The following ADGRB1 variants were observed in gnomAD, a reference collection of about 807,000 sequenced individuals.
The protein encoded by ADGRB1 is adhesion G protein-coupled receptor B1, also known as brain-specific angiogenesis inhibitor 1.
A neutral mutation model predicts 175.7 loss-of-function variants in ADGRB1; 36 were observed. That is an observed-to-expected ratio of 0.20 (90% CI 0.16 to 0.27). The LOEUF is 0.27. ADGRB1 is among the 10% of genes least tolerant of loss of function. The pLI, the probability that ADGRB1 is intolerant of heterozygous loss-of-function variation, is 1.00. For synonymous variants in ADGRB1, 1,054 were observed against 979.4 expected (o/e 1.08, Z -1.42); for missense variants, 1,731 against 2,255.3 (o/e 0.77, Z 4.71).
At chr8:142,523,041 G>A (rs370311400) in intron 22 of ADGRB1, among the ~76,000 whole-genome samples, 3 of 152,230 alleles carry the variant, frequency 2.0e-5, no homozygotes, top group African/African-American at 4.8e-5. Context: ...CCCTCTGTAC[G>A]GTGCTGGTGA....
intron 12 of ADGRB1, 96 bp from the exon 13 acceptor site, chr8:142,484,560 G>A: frequency 8.0e-7 from 1 of 1,245,766 alleles, no homozygotes; most frequent in Non-Finnish European, 1.1e-6. Context: ...GTTAGGAAAT[G>A]GCCAATAAGA....
At position 142,455,678 on chromosome 8, in the gene ADGRB1, G is replaced by T. The variant is rs1211514145; in HGVS notation, c.-220+5574G>T. Among the ~76,000 whole-genome samples the T allele has an allele frequency of 6.6e-6, 1 of 152,210 alleles. No homozygotes were observed. Among genetic ancestry groups the T allele is most frequent in the Non-Finnish European group, 1.5e-5 (1 of 68,036 alleles). On this transcript the variant is annotated intron_variant, in intron 1 of 30. Coordinates refer to ENST00000517894, the MANE Select transcript of ADGRB1 (RefSeq NM_001702.3). The surrounding 1 kb of genome is among the most constrained non-coding windows in gnomAD (Gnocchi z 4.9). The stretch of plus-strand genomic sequence containing the variant: ...ACTCAGCTGTGGGCCAGTTTTGGGG[G>T]TGCTGACTCTTGACTGAGACATGTG...
chr8:142,503,395 C>T (rs1411422449), intron 17 of ADGRB1, among the ~76,000 whole-genome samples: 2 of 152,078 alleles, frequency 1.3e-5, no homozygotes, highest in Non-Finnish European at 2.9e-5. Context: ...CAGGCCAGGC[C>T]AGGGAGGCAC....
At position 142,522,624 on chromosome 8, in the gene ADGRB1, C is replaced by A; in HGVS notation, c.3176-17C>A. On this transcript the variant is annotated splice_polypyrimidine_tract_variant and intron_variant, in intron 21 of 30. Coordinates refer to ENST00000517894, the MANE Select transcript of ADGRB1 (RefSeq NM_001702.3). ...GACTTGGGTGGGGCCAACACCCTCT[C>A]TCTGCTCCTTCTCCAGGGCTCCCTG... 6.5e-7 allele frequency: 1 copy of A among 1,547,548 alleles called. No homozygotes were observed. The highest frequency in any genetic ancestry group is 8.7e-7 in the Non-Finnish European group (1 of 1,147,156).
intron 17 of ADGRB1, among the ~76,000 whole-genome samples, chr8:142,497,213 C>G (rs1336047680): frequency 6.6e-6 from 1 of 152,240 alleles, no homozygotes; most frequent in African/African-American, 2.4e-5. Context: ...GCCTCCAGCC[C>G]TGCCTCCTGT....
At position 142,529,639 on chromosome 8, in the gene ADGRB1, C is replaced by G. The variant is rs551905360; in HGVS notation, c.3398+3012C>G. 4.0e-5 allele frequency among the ~76,000 whole-genome samples: 6 copies of G among 149,826 alleles called. No individual in the cohort carries two copies. In the East Asian group the frequency reaches 1.2e-3, roughly 30 times the overall value. ...CCCAGTGTGCATACGTGTGAGCATG[C>G]ATCTGTATATGCGTGTGTGAGTGTG... On this transcript the variant is annotated intron_variant, in intron 24 of 30. Transcript: ENST00000517894.
chr8:142,450,970 G>GAGCAGAGGCCGCCGGCC (rs1839312633), intron 1 of ADGRB1, among the ~76,000 whole-genome samples: 1 of 152,152 alleles, frequency 6.6e-6, no homozygotes, highest in African/African-American at 2.4e-5. Context: ...CGTCGCCGGT[G>GAGCAGAGGCCGCCGGCC]AGCAGAGGCC....
Position 142,543,798 on chromosome 8 carries a change from C to A in ADGRB1, c.4557+90C>A. The A allele has an allele frequency of 8.8e-7, 1 of 1,130,602 alleles. No homozygotes were observed. Among genetic ancestry groups the A allele is most frequent in the Non-Finnish European group, 1.3e-6 (1 of 771,080 alleles). The allele number at this position is 1,130,602 out of a possible 1,614,324, so 70.0% of individuals were successfully genotyped here. On this transcript the variant is annotated intron_variant, in intron 30 of 30. Coordinates refer to ENST00000517894, the MANE Select transcript of ADGRB1 (RefSeq NM_001702.3). The surrounding 1 kb of genome is among the most constrained non-coding windows in gnomAD (Gnocchi z 4.4). ...CCCTGGATTTGTGCACTTCATCCAT[C>A]CATCCATCCATCCATCCATTCGTTC...
Position 142,542,451 on chromosome 8 carries a change from C to G in ADGRB1, c.4217C>G (p.Ala1406Gly), listed in dbSNP as rs1300995224. 4 of 1,378,998 alleles carry G rather than the reference C, an allele frequency of 2.9e-6. No individual in the cohort carries two copies. The highest frequency in any genetic ancestry group is 4.8e-5 in the Admixed American group (2 of 41,660). 85.4% of individuals were successfully genotyped at this position (1,378,998 alleles called of 1,614,324 possible). ...RQPPSGGPPE[A>G]PPAQPPPPPP... ...CCCCCCAGCGGCGGGCCCCCCGAGG[C>G]ACCCCCTGCCCAGCCCCCACCGCCT... The change falls in exon 28 of 31, where the codon GCA becomes GGA. Residue 1406 changes from alanine (A) to glycine (G), a missense_variant. Physicochemically the swap from Ala to Gly is moderately conservative, Grantham distance 60. This residue lies in a region of ADGRB1 where 394 missense variants were observed against 410.2 expected (regional missense o/e 0.96). Coordinates refer to ENST00000517894, the MANE Select transcript of ADGRB1 (RefSeq NM_001702.3). The surrounding 1 kb of genome is among the most constrained non-coding windows in gnomAD (Gnocchi z 6.3).
rs376043066 is a variant in ADGRB1, at chr8:142,489,070, G to A, written c.2488G>A (p.Val830Met). The change falls in exon 15 of 31, where the codon GTG (valine) becomes ATG (methionine). Residue 830 changes from valine to methionine, a missense_variant. By Grantham distance (21) the Val-to-Met change is conservative. This residue lies in a region of ADGRB1 where 388 missense variants were observed against 630.9 expected (regional missense o/e 0.61). Coordinates refer to ENST00000517894, the MANE Select transcript of ADGRB1 (RefSeq NM_001702.3). ...DEASVFVVGT[V>M]LYRNLGSFLA... ...AGCATCCGTGTTTGTGGTGGGCACC[G>A]TGCTCTACAGGAACCTGGGCAGCTT... 8 of 1,611,292 alleles carry A rather than the reference G, an allele frequency of 5.0e-6. No homozygotes were observed. The African/African-American group carries it at 5.3e-5, about 11-fold the overall frequency.
chr8:142,511,274 G>A lies in ADGRB1; in HGVS notation c.2817+201G>A, dbSNP rs2132041531. ...GGGTGGGCGCCGAGCGGGTGGCAGTGTGGAGTTGGAGACGGGCCTGGGAGG... is the reference window on the plus strand; with the variant it reads ...GGGTGGGCGCCGAGCGGGTGGCAGTATGGAGTTGGAGACGGGCCTGGGAGG... On this transcript the variant is annotated intron_variant, in intron 18 of 30. Coordinates refer to ENST00000517894, the MANE Select transcript of ADGRB1 (RefSeq NM_001702.3). This position sits in a 1 kb window ranked among gnomAD's most constrained non-coding sequence, Gnocchi z 4.5. Among the ~76,000 whole-genome samples the A allele has an allele frequency of 6.6e-6, 1 of 152,144 alleles. No homozygotes were observed. Among genetic ancestry groups the A allele is most frequent in the East Asian group, 2.0e-4 (1 of 5,128 alleles).
chr8:142,478,892 T>C (rs1476968346), intron 7 of ADGRB1, among the ~76,000 whole-genome samples: 1 of 122,628 alleles, frequency 8.2e-6, no homozygotes, highest in Admixed American at 8.0e-5. Context: ...GGACTTGGGG[T>C]ATCCATGGGG....
In ADGRB1 at chr8:142,537,303, C is replaced by T. The variant is rs1270301314; in HGVS notation, c.3666+221C>T. On this transcript the variant is annotated intron_variant, in intron 26 of 30. Coordinates refer to ENST00000517894, the MANE Select transcript of ADGRB1 (RefSeq NM_001702.3). This position sits in a 1 kb window ranked among gnomAD's most constrained non-coding sequence, Gnocchi z 4.6. ...GGCCTGAGCTGATGAGTTTGGAGGTCTCAGCGGAGGCTGGCATCCACCCCA... is the reference window on the plus strand; with the variant it reads ...GGCCTGAGCTGATGAGTTTGGAGGTTTCAGCGGAGGCTGGCATCCACCCCA... Among the ~76,000 whole-genome samples, 1 of 152,058 alleles carries T rather than the reference C, an allele frequency of 6.6e-6. No homozygotes were observed. The highest frequency in any genetic ancestry group is 1.5e-5 in the Non-Finnish European group (1 of 67,978).
Position 142,541,889 on chromosome 8 carries a change from G to A in ADGRB1, c.3707-52G>A, listed in dbSNP as rs372344753. 4.0e-5 allele frequency: 60 copies of A among 1,488,610 alleles called. No homozygotes were observed. The East Asian group carries it at 4.4e-4, about 11-fold the overall frequency. The allele number at this position is 1,488,610 out of a possible 1,614,324, so 92.2% of individuals were successfully genotyped here. A position where few individuals can be genotyped will look rare whatever the true frequency, so the allele number is the denominator to read the frequency against. The stretch of plus-strand genomic sequence containing the variant: ...CCTCTCCTGCTGGGGACTGTCCTAC[G>A]CCATCCTCACCCCCACACCTGTCCC... On this transcript the variant is annotated intron_variant, in intron 27 of 30. Transcript: ENST00000517894.
chr8:142,458,374 G>T (rs992847594), intron 1 of ADGRB1, among the ~76,000 whole-genome samples: 2 of 152,188 alleles, frequency 1.3e-5, no homozygotes. Flanking sequence ...GCGGCGGGAG[G>T]CGGGTGCAGT....
In ADGRB1 at chr8:142,542,612, G is replaced by A. The variant is rs1421082244; in HGVS notation, c.4378G>A (p.Glu1460Lys). ...CAGCACGGGGCCCAGCACCAAGAACGAGAATGTCGCCACCTTGTCTGTGAG... is the reference window on the plus strand; with the variant it reads ...CAGCACGGGGCCCAGCACCAAGAACAAGAATGTCGCCACCTTGTCTGTGAG... Reference protein sequence around the residue: ...GPSTGPSTKNENVATLSVSSL... With the variant: ...GPSTGPSTKNKNVATLSVSSL... Residue 1460 changes from glutamate to lysine, a missense_variant, in exon 28 of 31, where the codon GAG becomes AAG. Glu to Lys is a moderately conservative substitution (Grantham distance 56). This residue lies in a region of ADGRB1 where 394 missense variants were observed against 410.2 expected (regional missense o/e 0.96). Coordinates refer to ENST00000517894, the MANE Select transcript of ADGRB1 (RefSeq NM_001702.3). The surrounding 1 kb of genome is among the most constrained non-coding windows in gnomAD (Gnocchi z 6.3). The A allele has an allele frequency of 2.4e-5, 37 of 1,551,748 alleles. No individual in the cohort carries two copies. The highest frequency in any genetic ancestry group is 7.4e-5 in the East Asian group (3 of 40,440).
intron 8 of ADGRB1, 38 bp downstream of exon 8, chr8:142,479,525 G>A (rs769241801): frequency 9.8e-6 from 15 of 1,522,968 alleles, no homozygotes; most frequent in Non-Finnish European, 7.9e-6. Context: ...TCTGGGGAGG[G>A]CTGATGGCGA....
In ADGRB1 at chr8:142,504,665, G is replaced by A. The variant is rs1242353655; in HGVS notation, c.2676-6267G>A. ...GCCAGTCTTGATCTATGGCCAAGAA[G>A]TCAATGGGCAGAGGTGGGAGCCAGG... On this transcript the variant is annotated intron_variant, in intron 17 of 30. Coordinates refer to ENST00000517894, the MANE Select transcript of ADGRB1 (RefSeq NM_001702.3). The surrounding 1 kb of genome is among the most constrained non-coding windows in gnomAD (Gnocchi z 5.6). Among the ~76,000 whole-genome samples, 3 of 152,124 alleles carry A rather than the reference G, an allele frequency of 2.0e-5. No individual in the cohort carries two copies. The highest frequency in any genetic ancestry group is 1.9e-4 in the East Asian group (1 of 5,176).
At chr8:142,517,834 TGAC>T (rs1421165138) in intron 18 of ADGRB1, among the ~76,000 whole-genome samples, 2 of 152,160 alleles carry the variant, frequency 1.3e-5, no homozygotes, top group East Asian at 3.9e-4. Context: ...TGCCTGGAAT[TGAC>T]GGGGTTCCGA....
Sources: gnomAD v4.1 joint callset for allele counts (sites outside exome capture counted in the v4.1 genomes callset) on GRCh38, gnomAD v4.1.1 for gene constraint, gnomAD v4.1.1 regional missense constraint, Gnocchi (gnomAD v3.1) non-coding constraint, MANE v1.5 for transcripts, NCBI Gene and HGNC (gene_info 2026-07-23, HGNC 2026-07-21) for gene names.